Variants in C16orf46 observed in about 807,000 individuals in gnomAD.
C16orf46 encodes uncharacterized protein C16orf46.
In C16orf46, 7 loss-of-function variants were observed where a neutral mutation model predicts 5.5. That is an observed-to-expected ratio of 1.28 (90% CI 0.73 to 2.40). The LOEUF (loss-of-function observed/expected upper bound fraction) is 2.40, where lower values mean the gene tolerates loss of function less well. Among genes scored for constraint, C16orf46 ranks in the 30% most tolerant of loss-of-function variants. The pLI is 0.00. For missense variants in C16orf46, 614 were observed against 476.0 expected, an observed-to-expected ratio of 1.29 and a Z score of -2.70; for synonymous variants, 200 against 184.1, an observed-to-expected ratio of 1.09 and a Z score of -0.70.
At chr16:81,067,076 C>A (rs1971675282) in intron 1 of C16orf46, among the ~76,000 whole-genome samples, 2 of 152,008 alleles carry the variant, frequency 1.3e-5, no homozygotes, top group Admixed American at 1.3e-4. Context: ...CAAGAATAAA[C>A]CCAAAGAAAA....
At position 81,066,027 on chromosome 16, in the gene C16orf46, G is replaced by A. The variant is rs545834663; in HGVS notation, c.-39+166C>T. Reference sequence around the variant, plus strand: ...CAGCCTCCCGAGTAGCTGGGATTACGGGCGTGAGTCACCGTGCCTGGCCAA... The same window carrying A: ...CAGCCTCCCGAGTAGCTGGGATTACAGGCGTGAGTCACCGTGCCTGGCCAA... On this transcript the variant is annotated intron_variant, in intron 2 of 3. Coordinates refer to ENST00000299578, the MANE Select transcript of C16orf46 (RefSeq NM_152337.3). Among the ~76,000 whole-genome samples the A allele has an allele frequency of 4.5e-4, 67 of 150,374 alleles. 1 individual carries two copies. Among genetic ancestry groups the A allele is most frequent in the Admixed American group, 2.6e-3 (40 of 15,098 alleles).
At chr16:81,070,721 CTT>C (rs1329544659) in intron 1 of C16orf46, among the ~76,000 whole-genome samples, 3 of 152,014 alleles carry the variant, frequency 2.0e-5, no homozygotes, top group African/African-American at 7.3e-5. Context: ...CAGTTTTGCT[CTT>C]GTTGCCCATG....
chr16:81,060,991 T>G lies in C16orf46; in HGVS notation c.*170A>C. ...TCCCAACAATCCACTGAGGTTCAGT[T>G]TTCTTCAGTTGTACTACAAAAAAAA... On this transcript the variant is annotated 3_prime_UTR_variant, in exon 4 of 4. Transcript: ENST00000299578. 1 of 1,388,268 alleles carries G rather than the reference T, an allele frequency of 7.2e-7. No individual in the cohort carries two copies. Among genetic ancestry groups the G allele is most frequent in the Non-Finnish European group, 9.3e-7 (1 of 1,074,168 alleles). 86.0% of individuals were successfully genotyped at this position (1,388,268 alleles called of 1,614,324 possible). A position where few individuals can be genotyped will look rare whatever the true frequency, so the allele number is the denominator to read the frequency against.
intron 3 of C16orf46, among the ~76,000 whole-genome samples, 198 bp downstream of exon 3, chr16:81,063,548 C>A (rs1396672116): frequency 6.6e-6 from 1 of 152,194 alleles, no homozygotes; most frequent in Admixed American, 6.5e-5. Flanking sequence ...ACTGTGCTGT[C>A]CACATACTAA....
At chr16:81,063,695 A>C in intron 3 of C16orf46, 51 bp downstream of exon 3, 1 of 1,500,812 alleles carries the variant, frequency 6.7e-7, no homozygotes, top group South Asian at 1.2e-5. Flanking sequence ...GCTTGCACCA[A>C]AACACTGATG....
chr16:81,062,221 G>C, intron 3 of C16orf46, 83 bp from the exon 4 acceptor site: 1 of 1,227,684 alleles, frequency 8.1e-7, no homozygotes, highest in Non-Finnish European at 1.1e-6. Flanking sequence ...TCCCATTTTG[G>C]CAGTCTTATG....
chr16:81,061,436 A>G lies in C16orf46; in HGVS notation c.913T>C (p.Ser305Pro). 1.2e-6 allele frequency: 2 copies of G among 1,614,152 alleles called. No individual in the cohort carries two copies. The highest frequency in any genetic ancestry group is 1.7e-6 in the Non-Finnish European group (2 of 1,180,034). ...GGAGGGCACGCCAGGTTTTTCTCAG[A>G]CAGGAGGGACCAATGCAGGCAGCGC... ...EQRCLHWSLL[S>P]EKNLACPPDP... The change falls in exon 4 of 4, where the codon TCT becomes CCT. Residue 305 changes from serine (S) to proline (P), a missense_variant. Coordinates refer to ENST00000299578, the MANE Select transcript of C16orf46 (RefSeq NM_152337.3).
At chr16:81,075,582 T>G (rs548811146) in intron 1 of C16orf46, among the ~76,000 whole-genome samples, 1 of 152,206 alleles carries the variant, frequency 6.6e-6, no homozygotes, top group Admixed American at 6.5e-5. Context: ...AGGGTGAGAC[T>G]GTCTCAAAAC....
intron 1 of C16orf46, among the ~76,000 whole-genome samples, chr16:81,067,988 C>T (rs1435950295): frequency 6.6e-6 from 1 of 152,062 alleles, no homozygotes; most frequent in Non-Finnish European, 1.5e-5. Flanking sequence ...AATATTTGTC[C>T]AATTATTCTT....
rs146960340 is a variant in C16orf46, at chr16:81,063,820, C to T, written c.136G>A (p.Asp46Asn). Residue 46 changes from aspartate to asparagine, a missense_variant, in exon 3 of 4, where the codon GAT becomes AAT. Transcript: ENST00000299578. ...SEKNHVYCLL[D>N]VSDITLEQDE... ...TGTTCAAGCGTAATGTCACTGACAT[C>T]GAGAAGACAATAAACATGATTTTTT... The T allele has an allele frequency of 1.2e-4, 193 of 1,613,988 alleles. No homozygotes were observed. The African/African-American group carries it at 1.8e-3, about 15-fold the overall frequency.
downstream of C16orf46, among the ~76,000 whole-genome samples, chr16:81,060,080 G>A (rs537068624): frequency 2.0e-5 from 3 of 152,020 alleles, no homozygotes; most frequent in South Asian, 2.1e-4. Flanking sequence ...GAGCCACGGC[G>A]CCCGGCCCCA....
rs575038585 is a variant in C16orf46 at position 81,061,712 on chromosome 16, G to T, written c.637C>A (p.Pro213Thr). 3 of 1,614,084 alleles carry T rather than the reference G, an allele frequency of 1.9e-6. No individual in the cohort carries two copies. The highest frequency in any genetic ancestry group is 4.5e-5 in the East Asian group (2 of 44,886). ...GCATTTGAAAGTGAAGCCTTCAGGG[G>T]AGGCAGAACTAGGAGGGCCCTGGAA... ...LTSRALLVLP[P>T]LKASLSNALD... Residue 213 changes from proline (P) to threonine (T), a missense_variant, in exon 4 of 4, where the codon CCC becomes ACC. Physicochemically the swap from Pro to Thr is conservative, Grantham distance 38 (BLOSUM62 -1). Transcript: ENST00000299578.
downstream of C16orf46, among the ~76,000 whole-genome samples, chr16:81,057,752 C>A (rs1436330439): frequency 2.6e-5 from 4 of 151,906 alleles, no homozygotes; most frequent in African/African-American, 9.7e-5. Flanking sequence ...CTGAAACAGG[C>A]CGGGTGTGGT....
In C16orf46 at chr16:81,061,408, T is replaced by C; in HGVS notation, c.941A>G (p.Asp314Gly). ...AGCAAGGTAGCGAACGTTGCTGGGG[T>C]CTGGAGGGCACGCCAGGTTTTTCTC... ...LSEKNLACPP[D>G]PSNVRYLAAL... The change falls in exon 4 of 4, where the codon GAC becomes GGC. Residue 314 changes from aspartate (D) to glycine (G), a missense_variant. Physicochemically the swap from Asp to Gly is moderately conservative, Grantham distance 94. Coordinates refer to ENST00000299578, the MANE Select transcript of C16orf46 (RefSeq NM_152337.3). 3.1e-6 allele frequency: 5 copies of C among 1,614,082 alleles called. No homozygotes were observed. Among genetic ancestry groups the C allele is most frequent in the Non-Finnish European group, 3.4e-6 (4 of 1,180,020 alleles).
At chr16:81,053,950 GTT>G in exon 4 of C16orf46, 3 of 1,058,470 alleles carry the variant, frequency 2.8e-6, no homozygotes. Flanking sequence ...TGCTTGCAGC[GTT>G]TGACTCTCTG....
At chr16:81,073,252 G>A (rs1330445119) in intron 1 of C16orf46, among the ~76,000 whole-genome samples, 2 of 152,186 alleles carry the variant, frequency 1.3e-5, no homozygotes, top group African/African-American at 2.4e-5. Context: ...GCTAAAAAGT[G>A]CCTATTAGAG....
chr16:81,061,201 C>T lies in C16orf46; in HGVS notation c.1148G>A (p.Ser383Asn), dbSNP rs1274467909. The T allele has an allele frequency of 2.5e-6, 4 of 1,613,624 alleles. No homozygotes were observed. The East Asian group carries it at 8.9e-5, about 36-fold the overall frequency. The change falls in exon 4 of 4, where the codon AGC becomes AAC. Residue 383 changes from serine (S) to asparagine (N), a missense_variant. Ser to Asn is a conservative substitution (Grantham distance 46). Coordinates refer to ENST00000299578, the MANE Select transcript of C16orf46 (RefSeq NM_152337.3). The stretch of plus-strand genomic sequence containing the variant: ...GGTAGAGACAGGAATGATAACTCTG[C>T]TCACTGTGAGAGACGGCAAGACAGG... ...PRPVLPSLTV[S>N]RVIIPVSTHR...
chr16:81,056,783 C>G (rs766887269), downstream of C16orf46, among the ~76,000 whole-genome samples: 49 of 151,700 alleles, frequency 3.2e-4, no homozygotes, highest in Non-Finnish European at 6.6e-4. Context: ...CCATGAGACC[C>G]TAGAGGACCA....
intron 1 of C16orf46, among the ~76,000 whole-genome samples, chr16:81,068,526 A>G (rs1464322381): frequency 6.6e-6 from 1 of 151,296 alleles, no homozygotes; most frequent in Non-Finnish European, 1.5e-5. Flanking sequence ...AGAAATGACT[A>G]TGCCATATGG....
Sources: allele counts gnomAD v4.1 joint callset (sites outside exome capture counted in the v4.1 genomes callset), GRCh38; gene constraint gnomAD v4.1.1; transcripts MANE v1.5; gene names NCBI Gene and HGNC (gene_info 2026-07-23, HGNC 2026-07-21).